EPS15L1: variants seen among roughly 807,000 people sequenced by gnomAD.
EPS15L1 encodes the protein epidermal growth factor receptor pathway substrate 15 like 1.
In EPS15L1, 43 loss-of-function variants were observed where a neutral mutation model predicts 117.1. The ratio of observed to expected loss-of-function variants is 0.37; its 90% CI spans 0.29 to 0.47. EPS15L1 has a LOEUF of 0.47. Among genes scored for constraint, EPS15L1 ranks in the 20% least tolerant of loss-of-function variants. The probability of loss-of-function intolerance (pLI) is 0.99; values close to 1 mark genes in which losing one functional copy is unlikely to be tolerated. For synonymous variants in EPS15L1, 459 were observed against 470.5 expected (o/e 0.98, Z 0.32); for missense variants, 981 against 1,164.0 (o/e 0.84, Z 2.29).
chr19:16,459,234 C>T (rs577694824), intron 1 of EPS15L1, among the ~76,000 whole-genome samples: 32 of 152,278 alleles, frequency 2.1e-4, no homozygotes, highest in Admixed American at 5.2e-4. Flanking sequence ...TGCAGGCCAA[C>T]GCCCTGCTCT....
rs773882128 is a variant in EPS15L1, at chr19:16,413,851, T to C, written c.1194-6A>G. ...GTTCCAGTGAATATTTCTCTCTGAA[T>C]GTTTAAAAATATTTCATGAAAACAA... On this transcript the variant is annotated splice_region_variant and splice_polypyrimidine_tract_variant and intron_variant, in intron 12 of 23. Transcript: ENST00000455140. The C allele has an allele frequency of 6.2e-7, 1 of 1,607,192 alleles. No individual in the cohort carries two copies. Among genetic ancestry groups the C allele is most frequent in the Admixed American group, 1.7e-5 (1 of 60,012 alleles).
At chr19:16,413,198 C>A in intron 13 of EPS15L1, 1 of 650,856 alleles carries the variant, frequency 1.5e-6, no homozygotes, top group South Asian at 1.6e-5. Context: ...TGTGCAGAGG[C>A]TACTGGGGGA....
intron 7 of EPS15L1, among the ~76,000 whole-genome samples, chr19:16,431,142 G>C (rs1383007732): frequency 6.6e-6 from 1 of 151,524 alleles, no homozygotes; most frequent in African/African-American, 2.4e-5. Context: ...GGGAGGCTGA[G>C]ACAGGAGAAT....
Position 16,427,320 on chromosome 19 carries a change from G to A in EPS15L1, c.558+1382C>T, listed in dbSNP as rs970050989. Among the ~76,000 whole-genome samples, 11 of 152,246 alleles carry A rather than the reference G, an allele frequency of 7.2e-5. No homozygotes were observed. In the South Asian group the frequency reaches 1.2e-3, roughly 17 times the overall value. On this transcript the variant is annotated intron_variant, in intron 8 of 23. Coordinates refer to ENST00000455140, the MANE Select transcript of EPS15L1 (RefSeq NM_001258374.3). Reference sequence around the variant, plus strand: ...AATAATTCTCTGTATTACAGGTTGCGTATCCCTTATCCAAAATGCCTGGGA... The same window carrying A: ...AATAATTCTCTGTATTACAGGTTGCATATCCCTTATCCAAAATGCCTGGGA...
chr19:16,422,433 C>T (rs559351873), intron 9 of EPS15L1, among the ~76,000 whole-genome samples: 1 of 152,132 alleles, frequency 6.6e-6, no homozygotes, highest in African/African-American at 2.4e-5. Context: ...TAAATATTTA[C>T]ACAAATCACT....
intron 5 of EPS15L1, among the ~76,000 whole-genome samples, chr19:16,437,267 T>C (rs2092987633): frequency 1.3e-5 from 2 of 152,220 alleles, no homozygotes; most frequent in Non-Finnish European, 2.9e-5. Context: ...ATAACCCACA[T>C]GTCCAGAGAG....
At chr19:16,392,506 A>G in intron 18 of EPS15L1, 66 bp from the exon 19 acceptor site, 1 of 1,435,402 alleles carries the variant, frequency 7.0e-7, no homozygotes, top group Non-Finnish European at 9.7e-7. Context: ...ATAAAAGAAC[A>G]CATCACAGAA....
intron 21 of EPS15L1, among the ~76,000 whole-genome samples, chr19:16,384,643 C>T (rs2092400012): frequency 6.6e-6 from 1 of 152,206 alleles, no homozygotes; most frequent in Admixed American, 6.5e-5. Flanking sequence ...CCTCCTTCAA[C>T]AGTTCACTCC....
In EPS15L1 at chr19:16,380,594, G is replaced by A. The variant is rs555777238; in HGVS notation, c.2248-3340C>T. 1.3e-4 allele frequency among the ~76,000 whole-genome samples: 20 copies of A among 152,284 alleles called. No individual in the cohort carries two copies. In the South Asian group the frequency reaches 3.7e-3, roughly 28 times the overall value. On this transcript the variant is annotated intron_variant, in intron 21 of 23. Transcript: ENST00000455140. ...TCCAGGGTCTAGTCACACAGACGCA[G>A]CCATCTAAGGCTCTAGTCACACTGA... is the stretch of plus-strand genomic sequence containing the variant.
chr19:16,389,763 A>AT (rs2092457970), intron 19 of EPS15L1, among the ~76,000 whole-genome samples: 1 of 152,200 alleles, frequency 6.6e-6, no homozygotes, highest in Non-Finnish European at 1.5e-5. Context: ...GGGTGGACAA[A>AT]TGGACCTACA....
chr19:16,445,881 G>C lies in EPS15L1; in HGVS notation c.34-3662C>G, dbSNP rs540714236. Among the ~76,000 whole-genome samples, 8 of 152,346 alleles carry C rather than the reference G, an allele frequency of 5.3e-5. No individual in the cohort carries two copies. The East Asian group carries it at 1.5e-3, about 29-fold the overall frequency. ...GAAGGAAGTGCAGCAGAGCTGACCC[G>C]ATGTGTTCTCCTGACCCAGCCCACT... On this transcript the variant is annotated intron_variant, in intron 1 of 23. Coordinates refer to ENST00000455140, the MANE Select transcript of EPS15L1 (RefSeq NM_001258374.3).
chr19:16,388,199 C>T (rs746644493), intron 19 of EPS15L1, among the ~76,000 whole-genome samples: 12 of 152,064 alleles, frequency 7.9e-5, no homozygotes, highest in African/African-American at 1.7e-4. Flanking sequence ...TGCACCACCA[C>T]GCCTGGCTAA....
chr19:16,441,463 C>G (rs2093030817), intron 3 of EPS15L1: 1 of 167,380 alleles, frequency 6.0e-6, no homozygotes, highest in Non-Finnish European at 1.3e-5. Context: ...CAGAGCGAGA[C>G]TGTCTCAAAA....
chr19:16,443,309 A>G (rs1167938939), intron 1 of EPS15L1, among the ~76,000 whole-genome samples: 1 of 152,224 alleles, frequency 6.6e-6, no homozygotes, highest in Non-Finnish European at 1.5e-5. Context: ...CACAATGAAT[A>G]AAACCAGGGG....
intron 13 of EPS15L1, 96 bp downstream of exon 13, chr19:16,413,677 G>C: frequency 9.6e-7 from 1 of 1,045,810 alleles, no homozygotes; most frequent in Admixed American, 1.8e-5. Context: ...ATCCAGGGCA[G>C]ACCCCTGCCC....
At chr19:16,465,094 A>AT (rs58287978) in intron 1 of EPS15L1, among the ~76,000 whole-genome samples, 5 of 151,986 alleles carry the variant, frequency 3.3e-5, no homozygotes, top group African/African-American at 9.7e-5. Context: ...AAAAAAAAAA[A>AT]TTCACAAGAA....
chr19:16,396,386 C>T (rs926784130), intron 16 of EPS15L1, among the ~76,000 whole-genome samples: 18 of 152,108 alleles, frequency 1.2e-4, no homozygotes, highest in Non-Finnish European at 1.9e-4. Flanking sequence ...GTCGGTCTCC[C>T]GAGTAGCCAG....
chr19:16,440,874 G>A lies in EPS15L1; in HGVS notation c.201C>T (p.Phe67=). The change falls in exon 4 of 24, where the codon TTC becomes TTT. Residue 67 remains phenylalanine (F), a synonymous_variant. Coordinates refer to ENST00000455140, the MANE Select transcript of EPS15L1 (RefSeq NM_001258374.3). ...WDLADPEGKG[F]LDKQGFYVAL... Reference sequence around the variant, plus strand: ...CATGTGTATATACCTGTTTGTCCAAGAACCCTTTACCTTCTGGATCGGCCA... The same window carrying A: ...CATGTGTATATACCTGTTTGTCCAAAAACCCTTTACCTTCTGGATCGGCCA... 1 of 1,614,150 alleles carries A rather than the reference G, an allele frequency of 6.2e-7. No homozygotes were observed. Among genetic ancestry groups the A allele is most frequent in the Non-Finnish European group, 8.5e-7 (1 of 1,180,008 alleles).
At chr19:16,461,162 G>C (rs147510567) in intron 1 of EPS15L1, among the ~76,000 whole-genome samples, 2,858 of 152,030 alleles carry the variant, frequency 0.019, 46 homozygotes, top group South Asian at 0.058. Flanking sequence ...AAATTAGCCG[G>C]GCGTGGTGGC....
Sources: gnomAD v4.1 joint callset for allele counts (sites outside exome capture counted in the v4.1 genomes callset) on GRCh38, gnomAD v4.1.1 for gene constraint, MANE v1.5 for transcripts, NCBI Gene and HGNC (gene_info 2026-07-23, HGNC 2026-07-21) for gene names.